Variants in SHISAL1 observed in about 807,000 individuals in gnomAD.
The protein encoded by SHISAL1 is shisa like 1.
In SHISAL1, 9 loss-of-function variants were observed where a neutral mutation model predicts 22.6. The ratio of observed to expected loss-of-function variants is 0.40; its 90% CI spans 0.24 to 0.70. SHISAL1 has a LOEUF of 0.70. SHISAL1 is among the 30% of genes least tolerant of loss of function. SHISAL1 has a pLI of 0.39. For missense variants in SHISAL1, 246 were observed against 270.6 expected, an observed-to-expected ratio of 0.91 and a Z score of 0.64; for synonymous variants, 119 against 115.4, an observed-to-expected ratio of 1.03 and a Z score of -0.20.
chr22:44,322,875 C>T, the SHISAL1 span, among the ~76,000 whole-genome samples: 125 of 152,358 alleles, frequency 8.2e-4, no homozygotes, highest in African/African-American at 2.7e-3. Context: ...TCCTTGGCTG[C>T]CCTGATCTTA....
At chr22:44,307,773 C>T (rs540274432) in intron 1 of SHISAL1, among the ~76,000 whole-genome samples, 2 of 152,232 alleles carry the variant, frequency 1.3e-5, no homozygotes, top group South Asian at 2.1e-4. Context: ...AAGGAGGGCA[C>T]GTGAAGAGAA....
At chr22:44,261,101 A>AT (rs1157149336) in intron 4 of SHISAL1, among the ~76,000 whole-genome samples, 2 of 126,802 alleles carry the variant, frequency 1.6e-5, no homozygotes, top group South Asian at 2.4e-4. Context: ...ATATATATAC[A>AT]CTATATGGAT....
At chr22:44,286,596 T>G (rs2055317663) in intron 3 of SHISAL1, among the ~76,000 whole-genome samples, 1 of 152,196 alleles carries the variant, frequency 6.6e-6, no homozygotes, top group African/African-American at 2.4e-5. Context: ...CGAAGATCAC[T>G]TCCTCCAGGA....
chr22:44,302,529 A>T (rs1232893887), intron 1 of SHISAL1, among the ~76,000 whole-genome samples: 1 of 152,248 alleles, frequency 6.6e-6, no homozygotes, highest in Non-Finnish European at 1.5e-5. Flanking sequence ...GGCCTCTCTG[A>T]GAAGGTGACA....
chr22:44,301,383 C>T lies in SHISAL1; in HGVS notation c.-32-406G>A, dbSNP rs2055428165. Among the ~76,000 whole-genome samples the T allele has an allele frequency of 1.3e-5, 2 of 152,122 alleles. 1 individual carries two copies. The highest frequency in any genetic ancestry group is 4.1e-4 in the South Asian group (2 of 4,826). ...GCTAAGGTGGAGGGTTTCATGGTGA[C>T]TTCCATGAACCCCTCCACAAGTATG... On this transcript the variant is annotated intron_variant, in intron 1 of 4. Transcript: ENST00000381176.
intron 4 of SHISAL1, among the ~76,000 whole-genome samples, chr22:44,272,414 C>T (rs1302457934): frequency 2.0e-5 from 3 of 152,194 alleles, no homozygotes; most frequent in Admixed American, 6.5e-5. Flanking sequence ...AGCAGGGGCC[C>T]GGCCTTTTTC....
intron 2 of SHISAL1, 53 bp from the exon 3 acceptor site, chr22:44,296,938 C>T: frequency 6.9e-7 from 1 of 1,443,566 alleles, no homozygotes; most frequent in Non-Finnish European, 9.7e-7. Flanking sequence ...TCCACGGGTG[C>T]CAAGAGGCAG....
At chr22:44,297,580 T>C (rs550192734) in intron 2 of SHISAL1, among the ~76,000 whole-genome samples, 2 of 152,320 alleles carry the variant, frequency 1.3e-5, no homozygotes, top group East Asian at 3.9e-4. Flanking sequence ...CACCTCACGG[T>C]GGTAGCTCTG....
chr22:44,331,400 G>T, the SHISAL1 span, among the ~76,000 whole-genome samples: 2 of 141,124 alleles, frequency 1.4e-5, no homozygotes, highest in South Asian at 4.7e-4. This position sits in a 1 kb window ranked among gnomAD's most constrained non-coding sequence, Gnocchi z 5.2. Flanking sequence ...CAGGAGCTCC[G>T]CCCCGGCCCC....
Position 44,245,665 on chromosome 22 carries a change from GTGGGGGAGTCA to G in SHISAL1, c.*4009_*4019del, listed in dbSNP as rs1364482527. On this transcript the variant is annotated 3_prime_UTR_variant, in exon 5 of 5. Transcript: ENST00000381176. The stretch of plus-strand genomic sequence containing the variant: ...CCTGAGCCAACCTGGACAGCGGCCT[GTGGGGGAGTCA>G]GTGCCAAGCACAGCCACACCCACAG... 1.3e-5 allele frequency: 2 copies of G among 152,368 alleles called. No individual in the cohort carries two copies. The highest frequency in any genetic ancestry group is 4.8e-5 in the African/African-American group (2 of 41,444). 9.4% of individuals were successfully genotyped at this position (152,368 alleles called of 1,614,324 possible). A position where few individuals can be genotyped will look rare whatever the true frequency, so the allele number is the denominator to read the frequency against.
chr22:44,262,871 A>G (rs2055134470), intron 4 of SHISAL1, among the ~76,000 whole-genome samples: 1 of 152,184 alleles, frequency 6.6e-6, no homozygotes, highest in Non-Finnish European at 1.5e-5. Flanking sequence ...AATAACAATG[A>G]AAGCTTCCAG....
chr22:44,266,435 TG>T (rs1471885207), intron 4 of SHISAL1, among the ~76,000 whole-genome samples: 1 of 105,572 alleles, frequency 9.5e-6, no homozygotes, highest in Admixed American at 1.2e-4. Context: ...GTGTGTGTGT[TG>T]GGGGGTTGTG....
chr22:44,278,175 G>A (rs1229642548), intron 4 of SHISAL1, among the ~76,000 whole-genome samples: 3 of 152,208 alleles, frequency 2.0e-5, no homozygotes, highest in Non-Finnish European at 1.5e-5. Context: ...AAAACAGGCA[G>A]AAAAATGTGA....
chr22:44,289,261 G>C (rs896552996), intron 3 of SHISAL1, among the ~76,000 whole-genome samples: 3 of 152,196 alleles, frequency 2.0e-5, no homozygotes, highest in Non-Finnish European at 2.9e-5. Flanking sequence ...GGCAGCACTG[G>C]GAGCTGGACC....
intron 4 of SHISAL1, among the ~76,000 whole-genome samples, chr22:44,268,151 G>A (rs1301438212): frequency 6.6e-6 from 1 of 152,220 alleles, no homozygotes; most frequent in East Asian, 1.9e-4. Flanking sequence ...CCATGGTAAA[G>A]GTTAATTTTT....
At chr22:44,295,402 CTAAT>C (rs1453263016) in intron 3 of SHISAL1, among the ~76,000 whole-genome samples, 1 of 151,240 alleles carries the variant, frequency 6.6e-6, no homozygotes, top group Non-Finnish European at 1.5e-5. Context: ...GAGAGCTCAA[CTAAT>C]TAAAGACAAA....
intron 4 of SHISAL1, among the ~76,000 whole-genome samples, chr22:44,252,059 T>C (rs559411752): frequency 7.2e-5 from 11 of 152,302 alleles, no homozygotes; most frequent in Non-Finnish European, 1.5e-4. Context: ...TGTGTAACTG[T>C]AGGACTATTG....
chr22:44,309,044 C>A (rs555157705), intron 1 of SHISAL1, among the ~76,000 whole-genome samples: 118 of 152,310 alleles, frequency 7.7e-4, no homozygotes, highest in Admixed American at 6.3e-3. Flanking sequence ...CCTTTCCCCA[C>A]CGTGTACGTC....
the SHISAL1 span, among the ~76,000 whole-genome samples, chr22:44,325,332 T>A: frequency 6.6e-6 from 1 of 151,928 alleles, no homozygotes; most frequent in Admixed American, 6.5e-5. Flanking sequence ...GATGCCAGGC[T>A]TCCTGCAAAT....
Sources: gnomAD v4.1 joint callset for allele counts (sites outside exome capture counted in the v4.1 genomes callset) on GRCh38, gnomAD v4.1.1 for gene constraint, Gnocchi (gnomAD v3.1) non-coding constraint, MANE v1.5 for transcripts, NCBI Gene and HGNC (gene_info 2026-07-23, HGNC 2026-07-21) for gene names.